The following F13A1 variants were observed in gnomAD, a reference collection of about 807,000 sequenced individuals.
The protein encoded by F13A1 is coagulation factor XIII A chain.
F13A1 carries 47 observed loss-of-function variants against 80.1 expected under a neutral mutation model. That is an observed-to-expected ratio of 0.59 (90% CI 0.46 to 0.75). The LOEUF is 0.75. Ranked by LOEUF, F13A1 falls within the 30% of genes least tolerant of loss-of-function variation. F13A1 has a pLI of 0.00. For synonymous variants in F13A1, 349 were observed against 344.9 expected (o/e 1.01, Z -0.13); for missense variants, 817 against 930.4 (o/e 0.88, Z 1.59).
intron 13 of F13A1, among the ~76,000 whole-genome samples, chr6:6,155,995 G>C (rs1390460518): frequency 6.6e-6 from 1 of 152,108 alleles, no homozygotes; most frequent in African/African-American, 2.4e-5. Context: ...TTTAGAGAAG[G>C]TTAGTTCAAG....
chr6:6,161,543 T>TGA (rs1371894815), intron 13 of F13A1, among the ~76,000 whole-genome samples: 1 of 151,074 alleles, frequency 6.6e-6, no homozygotes, highest in African/African-American at 2.4e-5. Context: ...TGTGTGTGTG[T>TGA]GTGTGTGTGA....
At chr6:6,269,792 C>T (rs1313657582) in intron 3 of F13A1, among the ~76,000 whole-genome samples, 1 of 151,948 alleles carries the variant, frequency 6.6e-6, no homozygotes, top group African/African-American at 2.4e-5. Context: ...TGGCTCACTG[C>T]AAGCTCTGCC....
chr6:6,155,421 T>C (rs936694513), intron 13 of F13A1, among the ~76,000 whole-genome samples: 3 of 152,164 alleles, frequency 2.0e-5, no homozygotes, highest in Non-Finnish European at 4.4e-5. Flanking sequence ...TCTGCCCAGA[T>C]TTCCCTGATG....
At chr6:6,194,907 A>C (rs1761263319) in intron 10 of F13A1, among the ~76,000 whole-genome samples, 1 of 152,050 alleles carries the variant, frequency 6.6e-6, no homozygotes, top group Admixed American at 6.5e-5. Context: ...TCACTTAATC[A>C]CTCTTTGCCT....
At chr6:6,304,352 A>C (rs1421643368) in intron 3 of F13A1, among the ~76,000 whole-genome samples, 3 of 152,164 alleles carry the variant, frequency 2.0e-5, no homozygotes, top group Admixed American at 2.0e-4. Flanking sequence ...TTATATGGGC[A>C]GATTTCCTAT....
chr6:6,204,015 G>T (rs1349963220), intron 8 of F13A1, among the ~76,000 whole-genome samples: 1 of 152,152 alleles, frequency 6.6e-6, no homozygotes, highest in African/African-American at 2.4e-5. Context: ...AATCTGTCTT[G>T]GTTCTGGCTA....
intron 14 of F13A1, among the ~76,000 whole-genome samples, chr6:6,148,939 T>G (rs1031054118): frequency 7.4e-4 from 111 of 149,740 alleles, no homozygotes; most frequent in African/African-American, 2.6e-3. Context: ...GTAAGTGAAA[T>G]AAACCAGACA....
At chr6:6,229,849 T>C (rs1757326712) in intron 6 of F13A1, among the ~76,000 whole-genome samples, 1 of 152,066 alleles carries the variant, frequency 6.6e-6, no homozygotes, top group Non-Finnish European at 1.5e-5. Context: ...GAAGGTCTGT[T>C]TGTGGGAGAA....
rs569467499 is a variant in F13A1, at chr6:6,311,962, G to T, written c.131-6423C>A. Among the ~76,000 whole-genome samples, 142 of 146,276 alleles carry T rather than the reference G, an allele frequency of 9.7e-4. 6 individuals are homozygous for T. In the South Asian group the frequency reaches 0.029, roughly 30 times the overall value. On this transcript the variant is annotated intron_variant, in intron 2 of 14. Coordinates refer to ENST00000264870, the MANE Select transcript of F13A1 (RefSeq NM_000129.4). ...TTTATATATTATTTATGTATATATTGTTTACATATTATAAACAATATATTT... is the reference window on the plus strand; with the variant it reads ...TTTATATATTATTTATGTATATATTTTTTACATATTATAAACAATATATTT...
In F13A1 at chr6:6,174,599, C is replaced by T. The variant is rs1311568024; in HGVS notation, c.1728G>A (p.Val576=). The change falls in exon 12 of 15, where the codon GTG becomes GTA. Residue 576 remains valine (V), a synonymous_variant. Transcript: ENST00000264870. ...KAEFKKETFD[V]TLEPLSFKKE... ...GCTTACAGGACAAGGGCTCCAGCGT[C>T]ACGTCGAACGTCTCCTTCTTGAATT... 4.3e-6 allele frequency: 7 copies of T among 1,614,050 alleles called. No individual in the cohort carries two copies. The highest frequency in any genetic ancestry group is 5.9e-6 in the Non-Finnish European group (7 of 1,180,048).
intron 14 of F13A1, among the ~76,000 whole-genome samples, chr6:6,148,275 G>A (rs1266210520): frequency 1.3e-5 from 2 of 152,218 alleles, no homozygotes; most frequent in East Asian, 3.8e-4. Flanking sequence ...AGAGCAGGAA[G>A]ATAAACCATT....
Position 6,162,134 on chromosome 6 carries a change from G to T in F13A1, c.1908+5324C>A, listed in dbSNP as rs1457799822. On this transcript the variant is annotated intron_variant, in intron 13 of 14. Coordinates refer to ENST00000264870, the MANE Select transcript of F13A1 (RefSeq NM_000129.4). The surrounding 1 kb of genome is among the most constrained non-coding windows in gnomAD (Gnocchi z 4.2). ...ACAATCATGTTACATTCCCACTCTA[G>T]AAACTCCCTTGAAGCCTCTTTGTTC... Among the ~76,000 whole-genome samples the T allele has an allele frequency of 1.3e-5, 2 of 152,148 alleles. No homozygotes were observed. Among genetic ancestry groups the T allele is most frequent in the East Asian group, 1.9e-4 (1 of 5,190 alleles).
At chr6:6,180,449 T>A (rs1222423905) in intron 11 of F13A1, among the ~76,000 whole-genome samples, 1 of 152,234 alleles carries the variant, frequency 6.6e-6, no homozygotes, top group African/African-American at 2.4e-5. Context: ...AGATGGCAGA[T>A]GGTAAGAGCC....
rs540868145 is a variant in F13A1, at chr6:6,284,865, T to C, written c.320-18056A>G. On this transcript the variant is annotated intron_variant, in intron 3 of 14. Transcript: ENST00000264870. ...TGAGATTTTACCCTTCAACTCTAGCTGATCCTCTTGCTCTTGACTGCCCAG... is the reference window on the plus strand; with the variant it reads ...TGAGATTTTACCCTTCAACTCTAGCCGATCCTCTTGCTCTTGACTGCCCAG... 8.5e-4 allele frequency among the ~76,000 whole-genome samples: 130 copies of C among 152,326 alleles called. 2 individuals are homozygous for C. The highest frequency in any genetic ancestry group is 1.4e-3 in the Non-Finnish European group (94 of 68,024).
At chr6:6,217,382 C>T (rs1052940093) in intron 8 of F13A1, among the ~76,000 whole-genome samples, 29 of 151,766 alleles carry the variant, frequency 1.9e-4, no homozygotes, top group African/African-American at 6.5e-4. Context: ...TTTGTAGGGA[C>T]ATGGATGAAA....
intron 8 of F13A1, among the ~76,000 whole-genome samples, chr6:6,211,918 G>C (rs1426928016): frequency 1.3e-5 from 2 of 152,236 alleles, no homozygotes; most frequent in Non-Finnish European, 2.9e-5. Context: ...AGGGGTGACA[G>C]ACAGCACCTG....
rs187952852 is a variant in F13A1 at position 6,248,917 on chromosome 6, T to C, written c.691-498A>G. Among the ~76,000 whole-genome samples, 781 of 152,290 alleles carry C rather than the reference T, an allele frequency of 5.1e-3. 4 individuals are homozygous for C. The highest frequency in any genetic ancestry group is 7.6e-3 in the Non-Finnish European group (516 of 68,020). Reference sequence around the variant, plus strand: ...ACCCAAAATAGTAGGAGACCTCATATAGTGACTGTCCCTCTAAGGTTTCCC... The same window carrying C: ...ACCCAAAATAGTAGGAGACCTCATACAGTGACTGTCCCTCTAAGGTTTCCC... On this transcript the variant is annotated intron_variant, in intron 5 of 14. Coordinates refer to ENST00000264870, the MANE Select transcript of F13A1 (RefSeq NM_000129.4).
chr6:6,191,710 T>C (rs189148092), intron 10 of F13A1, among the ~76,000 whole-genome samples: 1 of 152,198 alleles, frequency 6.6e-6, no homozygotes, highest in African/African-American at 2.4e-5. Flanking sequence ...GGTTTGTTTA[T>C]TTGTTTCCAA....
At chr6:6,196,848 G>A (rs575127136) in intron 9 of F13A1, among the ~76,000 whole-genome samples, 41 of 152,164 alleles carry the variant, frequency 2.7e-4, no homozygotes, top group South Asian at 4.1e-4. Context: ...TATTTTTCGA[G>A]TTCTCTATTT....
Sources: allele counts gnomAD v4.1 joint callset (sites outside exome capture counted in the v4.1 genomes callset), GRCh38; gene constraint gnomAD v4.1.1; non-coding constraint Gnocchi (gnomAD v3.1); transcripts MANE v1.5; gene names NCBI Gene and HGNC (gene_info 2026-07-23, HGNC 2026-07-21).